The following KCNQ5 variants were observed in gnomAD, a reference collection of about 807,000 sequenced individuals.
KCNQ5 encodes the protein potassium voltage-gated channel subfamily KQT member 5.
In KCNQ5, 30 loss-of-function variants were observed where a neutral mutation model predicts 98.2. That is an observed-to-expected ratio of 0.31 (90% confidence interval 0.23 to 0.41). The LOEUF is 0.41. Ranked by LOEUF, KCNQ5 falls within the 10% of genes least tolerant of loss-of-function variation. KCNQ5 has a pLI of 1.00. For synonymous variants in KCNQ5, 458 were observed against 449.4 expected, an observed-to-expected ratio of 1.02 and a Z score of -0.24; for missense variants, 835 against 1,182.5, an observed-to-expected ratio of 0.71 and a Z score of 4.31.
chr6:72,910,695 C>G lies in KCNQ5; in HGVS notation c.399-93213C>G, dbSNP rs138277995. On this transcript the variant is annotated intron_variant, in intron 1 of 13. Transcript: ENST00000370398. Reference sequence around the variant, plus strand: ...CCTCCTTCTCTTCTAACTCAAATACCCTTGCACTCTAAATTTTGTTGCTGT... The same window carrying G: ...CCTCCTTCTCTTCTAACTCAAATACGCTTGCACTCTAAATTTTGTTGCTGT... 2.2e-3 allele frequency among the ~76,000 whole-genome samples: 331 copies of G among 151,202 alleles called. 2 individuals are homozygous for G. Among genetic ancestry groups the G allele is most frequent in the Non-Finnish European group, 4.1e-3 (281 of 67,806 alleles).
intron 1 of KCNQ5, among the ~76,000 whole-genome samples, chr6:72,940,529 T>C (rs1766176671): frequency 1.3e-5 from 2 of 152,160 alleles, no homozygotes; most frequent in South Asian, 4.1e-4. Context: ...ACAGGCCCAG[T>C]GTGACTAGGA....
intron 1 of KCNQ5, among the ~76,000 whole-genome samples, chr6:72,977,883 T>C (rs1283653219): frequency 2.0e-5 from 3 of 152,228 alleles, no homozygotes; most frequent in African/African-American, 7.2e-5. Context: ...TTCACTATTA[T>C]ACCTTCAGCA....
chr6:73,012,038 C>G (rs1195037430), intron 2 of KCNQ5, among the ~76,000 whole-genome samples: 3 of 151,940 alleles, frequency 2.0e-5, no homozygotes, highest in African/African-American at 7.2e-5. Flanking sequence ...AATGCTATAG[C>G]CACTATGGAA....
chr6:72,820,375 T>C (rs1775696249), intron 1 of KCNQ5, among the ~76,000 whole-genome samples: 1 of 152,178 alleles, frequency 6.6e-6, no homozygotes, highest in African/African-American at 2.4e-5. Flanking sequence ...TGTGTGCTCC[T>C]AAACACTTAC....
intron 1 of KCNQ5, among the ~76,000 whole-genome samples, chr6:72,633,068 T>C (rs1237117288): frequency 1.3e-5 from 2 of 152,216 alleles, no homozygotes; most frequent in African/African-American, 4.8e-5. Flanking sequence ...GGTGGTCCCT[T>C]TTCTCTGCAG....
At chr6:72,796,234 A>C (rs1401975907) in intron 1 of KCNQ5, among the ~76,000 whole-genome samples, 1 of 152,194 alleles carries the variant, frequency 6.6e-6, no homozygotes, top group South Asian at 2.1e-4. Context: ...AGTAATTGCC[A>C]AGTCCTTTGT....
chr6:72,955,826 G>A (rs1016262822), intron 1 of KCNQ5, among the ~76,000 whole-genome samples: 1 of 152,058 alleles, frequency 6.6e-6, no homozygotes, highest in Non-Finnish European at 1.5e-5. Context: ...AGGCAGAGGT[G>A]GGAGGAATGC....
chr6:73,142,493 T>C (rs1304804925), intron 10 of KCNQ5, among the ~76,000 whole-genome samples: 1 of 147,182 alleles, frequency 6.8e-6, no homozygotes, highest in Non-Finnish European at 1.5e-5. Context: ...CTTTGTATTA[T>C]ATCTCAAAAA....
chr6:72,697,526 G>A (rs1433728943), intron 1 of KCNQ5, among the ~76,000 whole-genome samples: 1 of 152,022 alleles, frequency 6.6e-6, no homozygotes. Context: ...AAAACAAACT[G>A]TAATCCAAGA....
At chr6:72,806,804 C>T in intron 1 of KCNQ5, 1 of 451,936 alleles carries the variant, frequency 2.2e-6, no homozygotes, top group South Asian at 1.6e-5. Context: ...CATGGTAAAC[C>T]ACTGGACTGA....
intron 1 of KCNQ5, among the ~76,000 whole-genome samples, chr6:72,739,309 C>T (rs578119635): frequency 3.9e-4 from 60 of 152,246 alleles, no homozygotes; most frequent in East Asian, 7.7e-4. Context: ...AAATCAGCTA[C>T]GTAATTCCAT....
chr6:73,013,350 T>G (rs1176649920), intron 2 of KCNQ5, among the ~76,000 whole-genome samples: 1 of 152,120 alleles, frequency 6.6e-6, no homozygotes, highest in East Asian at 1.9e-4. Context: ...AGTGAAACAT[T>G]GGGCAGGAAT....
At chr6:72,678,270 C>T (rs1767519593) in intron 1 of KCNQ5, 1 of 152,144 alleles carries the variant, frequency 6.6e-6, no homozygotes, top group Non-Finnish European at 1.5e-5. Flanking sequence ...TTCAGCTCAC[C>T]ATGTGCCAAA....
chr6:72,905,399 G>T (rs7755733), intron 1 of KCNQ5, among the ~76,000 whole-genome samples: 4,762 of 152,130 alleles, frequency 0.031, 251 homozygotes, highest in African/African-American at 0.11. Context: ...TTCTTGGTTC[G>T]GGTCCGTTGC....
chr6:72,695,503 C>T (rs1768440903), intron 1 of KCNQ5, among the ~76,000 whole-genome samples: 1 of 152,158 alleles, frequency 6.6e-6, no homozygotes, highest in African/African-American at 2.4e-5. Context: ...ACCTCTCCAT[C>T]CCATTCACCT....
intron 1 of KCNQ5, among the ~76,000 whole-genome samples, chr6:72,759,015 G>C (rs1462032334): frequency 6.6e-6 from 1 of 152,124 alleles, no homozygotes; most frequent in East Asian, 1.9e-4. Flanking sequence ...TTAGTAAAGG[G>C]AAACAAGATC....
At chr6:73,134,852 C>A (rs1377852242) in intron 10 of KCNQ5, 1 of 152,300 alleles carries the variant, frequency 6.6e-6, no homozygotes, top group African/African-American at 2.4e-5. Flanking sequence ...CTCCATCGAG[C>A]CACTTGCAGG....
chr6:72,702,628 G>C (rs960327273), intron 1 of KCNQ5, among the ~76,000 whole-genome samples: 2 of 152,168 alleles, frequency 1.3e-5, no homozygotes, highest in Admixed American at 6.5e-5. Flanking sequence ...TGAAGCATCA[G>C]ATAAGTTGTG....
chr6:73,007,048 G>A (rs1769845153), intron 2 of KCNQ5, among the ~76,000 whole-genome samples: 1 of 151,996 alleles, frequency 6.6e-6, no homozygotes. Context: ...TGCCTCCTGG[G>A]GGCCCCCATA....
Sources: allele counts gnomAD v4.1 joint callset (sites outside exome capture counted in the v4.1 genomes callset), GRCh38; gene constraint gnomAD v4.1.1; transcripts MANE v1.5; gene names NCBI Gene and HGNC (gene_info 2026-07-23, HGNC 2026-07-21).